Variants in MINDY4 observed in about 807,000 individuals in gnomAD.
The protein encoded by MINDY4 is probable ubiquitin carboxyl-terminal hydrolase MINDY-4.
A neutral mutation model predicts 87.0 loss-of-function variants in MINDY4; 68 were observed. The ratio of observed to expected loss-of-function variants is 0.78; its 90% CI spans 0.64 to 0.96. The LOEUF (loss-of-function observed/expected upper bound fraction) is 0.96, where lower values mean the gene tolerates loss of function less well. Ranked by LOEUF, MINDY4 falls within the 40% of genes least tolerant of loss-of-function variation. The pLI, the probability that MINDY4 is intolerant of heterozygous loss-of-function variation, is 0.00. For missense variants in MINDY4, 919 were observed against 928.2 expected (o/e 0.99, Z 0.13); for synonymous variants, 379 against 363.2 (o/e 1.04, Z -0.50).
intron 15 of MINDY4, 38 bp downstream of exon 15, chr7:30,875,694 C>G: frequency 6.4e-7 from 1 of 1,569,866 alleles, no homozygotes; most frequent in Non-Finnish European, 8.6e-7. Flanking sequence ...GTAGGGGAGC[C>G]TGACTCTCTG....
intron 10 of MINDY4, 110 bp from the exon 11 acceptor site, chr7:30,852,106 G>T: frequency 7.9e-7 from 1 of 1,267,102 alleles, no homozygotes; most frequent in Non-Finnish European, 1.1e-6. Flanking sequence ...TTTCTCTCTG[G>T]AGCCACCTTC....
chr7:30,803,815 A>G (rs1787729897), intron 5 of MINDY4, among the ~76,000 whole-genome samples: 1 of 152,192 alleles, frequency 6.6e-6, no homozygotes, highest in Non-Finnish European at 1.5e-5. Flanking sequence ...CTGCATTTGC[A>G]GACATTTTTG....
intron 15 of MINDY4, among the ~76,000 whole-genome samples, chr7:30,880,559 C>T (rs1044948790): frequency 3.9e-5 from 6 of 152,152 alleles, no homozygotes; most frequent in Non-Finnish European, 8.8e-5. Flanking sequence ...CCCTGGTTGG[C>T]TTTGGGACTC....
At chr7:30,797,778 A>G (rs937426844) in intron 5 of MINDY4, among the ~76,000 whole-genome samples, 1 of 152,140 alleles carries the variant, frequency 6.6e-6, no homozygotes, top group Admixed American at 6.6e-5. Flanking sequence ...GGAAGGAGGA[A>G]GGCAAGTGTG....
At chr7:30,801,099 C>G (rs1272499060) in intron 5 of MINDY4, among the ~76,000 whole-genome samples, 1 of 152,130 alleles carries the variant, frequency 6.6e-6, no homozygotes, top group Non-Finnish European at 1.5e-5. Flanking sequence ...CACGGGCGCA[C>G]AGATGCCTCT....
chr7:30,800,985 T>A lies in MINDY4; in HGVS notation c.1073+9411T>A, dbSNP rs368012824. 4.6e-5 allele frequency among the ~76,000 whole-genome samples: 7 copies of A among 151,656 alleles called. No individual in the cohort carries two copies. In the South Asian group the frequency reaches 1.3e-3, roughly 27 times the overall value. On this transcript the variant is annotated intron_variant, in intron 5 of 17. Transcript: ENST00000265299. ...AATTCAGGGGACATTCACCAGGCCC[T>A]ACCAGACCTTTCTTAAGCAGTCCAG...
intron 5 of MINDY4, among the ~76,000 whole-genome samples, chr7:30,798,613 C>T (rs1033079160): frequency 6.6e-6 from 1 of 152,202 alleles, no homozygotes; most frequent in African/African-American, 2.4e-5. Context: ...TCTCCTGCCT[C>T]AGCCTCCCGA....
At chr7:30,879,125 C>T (rs1790379306) in intron 15 of MINDY4, among the ~76,000 whole-genome samples, 1 of 152,206 alleles carries the variant, frequency 6.6e-6, no homozygotes, top group Non-Finnish European at 1.5e-5. Flanking sequence ...CCCAAAATTC[C>T]TGTGTTGAAA....
rs144171330 is a variant in MINDY4, at chr7:30,815,236, C to A, written c.1074-13443C>A. Among the ~76,000 whole-genome samples, 1,228 of 152,320 alleles carry A rather than the reference C, an allele frequency of 8.1e-3. 15 individuals are homozygous for A. Among genetic ancestry groups the A allele is most frequent in the African/African-American group, 0.028 (1,172 of 41,568 alleles). The stretch of plus-strand genomic sequence containing the variant: ...TGTCAGAACCTTCCCTTTTGTCATG[C>A]CAAGGATGACTTTAGACCTCCCTGG... On this transcript the variant is annotated intron_variant, in intron 5 of 17. Coordinates refer to ENST00000265299, the MANE Select transcript of MINDY4 (RefSeq NM_032222.3).
At chr7:30,796,758 G>C (rs1366806266) in intron 5 of MINDY4, 4 of 151,936 alleles carry the variant, frequency 2.6e-5, no homozygotes, top group African/African-American at 9.7e-5. Context: ...TTTTAAATAG[G>C]CATGCTCCTC....
chr7:30,839,388 GT>G, intron 8 of MINDY4, 72 bp downstream of exon 8: 1 of 919,518 alleles, frequency 1.1e-6, no homozygotes, highest in South Asian at 1.8e-5. Flanking sequence ...GTACCTCCCA[GT>G]TTTGGTTAAT....
At chr7:30,862,867 T>G (rs1297381630) in intron 13 of MINDY4, among the ~76,000 whole-genome samples, 1 of 150,440 alleles carries the variant, frequency 6.6e-6, no homozygotes, top group East Asian at 1.9e-4. Flanking sequence ...AAACTATGTT[T>G]GTAATGAAAA....
intron 12 of MINDY4, among the ~76,000 whole-genome samples, chr7:30,857,337 G>A (rs1214331960): frequency 1.3e-5 from 2 of 152,178 alleles, no homozygotes; most frequent in East Asian, 1.9e-4. Context: ...GGCCCTTCCT[G>A]TGTGTTTTTG....
At chr7:30,839,523 G>A (rs1237130743) in intron 8 of MINDY4, among the ~76,000 whole-genome samples, 1 of 152,196 alleles carries the variant, frequency 6.6e-6, no homozygotes, top group East Asian at 1.9e-4. Context: ...CCTCTGCTTT[G>A]GAGATGTTAA....
intron 5 of MINDY4, among the ~76,000 whole-genome samples, chr7:30,812,546 G>C (rs573158789): frequency 2.2e-4 from 34 of 152,294 alleles, no homozygotes; most frequent in African/African-American, 8.2e-4. Flanking sequence ...GAATCTGGGT[G>C]AGGTGATGGT....
rs968415324 is a variant in MINDY4 at position 30,878,549 on chromosome 7, G to A, written c.1971+2893G>A. Among the ~76,000 whole-genome samples the A allele has an allele frequency of 1.2e-4, 18 of 152,298 alleles. 2 individuals are homozygous for A. The highest frequency in any genetic ancestry group is 2.1e-4 in the South Asian group (1 of 4,818). ...CACCTGGCCCAGGACAAGGCTCACC[G>A]GTAAGGGGTGGACTGCATTCTAGGC... On this transcript the variant is annotated intron_variant, in intron 15 of 17. Transcript: ENST00000265299.
intron 16 of MINDY4, 136 bp downstream of exon 16, chr7:30,882,497 G>C (rs1037875240): frequency 1.2e-6 from 1 of 833,414 alleles, no homozygotes; most frequent in South Asian, 2.0e-5. Flanking sequence ...CAGACTGGGG[G>C]ATCAGAGAGC....
At chr7:30,882,422 A>G in intron 16 of MINDY4, 61 bp downstream of exon 16, 1 of 1,328,536 alleles carries the variant, frequency 7.5e-7, no homozygotes, top group Non-Finnish European at 9.8e-7. Context: ...CAGGCTGGTC[A>G]CAGAAACCAG....
chr7:30,784,491 G>A (rs572383675), intron 3 of MINDY4, among the ~76,000 whole-genome samples: 3 of 152,152 alleles, frequency 2.0e-5, no homozygotes, highest in Non-Finnish European at 2.9e-5. Flanking sequence ...CCTCAAATCC[G>A]CCCTTGCCCT....
Sources: allele counts gnomAD v4.1 joint callset (sites outside exome capture counted in the v4.1 genomes callset), GRCh38; gene constraint gnomAD v4.1.1; transcripts MANE v1.5; gene names NCBI Gene and HGNC (gene_info 2026-07-23, HGNC 2026-07-21).